WDR7: variants seen among roughly 807,000 people sequenced by gnomAD.
The protein encoded by WDR7 is WD repeat-containing protein 7.
In WDR7, 46 loss-of-function variants were observed where a neutral mutation model predicts 169.4. The observed-to-expected ratio is 0.27, with a 90% CI of 0.21 to 0.35. WDR7 has a LOEUF of 0.35. Among genes scored for constraint, WDR7 ranks in the 10% least tolerant of loss-of-function variants. The probability of loss-of-function intolerance (pLI) is 1.00; values close to 1 mark genes in which losing one functional copy is unlikely to be tolerated. For synonymous variants in WDR7, 612 were observed against 666.8 expected (o/e 0.92, Z 1.27); for missense variants, 1,534 against 1,859.3 (o/e 0.83, Z 3.22).
At chr18:56,986,316 G>GA (rs2047719292) in intron 26 of WDR7, among the ~76,000 whole-genome samples, 1 of 152,084 alleles carries the variant, frequency 6.6e-6, no homozygotes, top group Non-Finnish European at 1.5e-5. Context: ...TTATATCAGT[G>GA]AATTTTGCAA....
rs1040355503 is a variant in WDR7 at position 57,001,992 on chromosome 18, A to T, written c.4165-18753A>T. 2.8e-4 allele frequency among the ~76,000 whole-genome samples: 43 copies of T among 152,310 alleles called. 1 individual carries two copies. The highest frequency in any genetic ancestry group is 9.4e-4 in the African/African-American group (39 of 41,576). ...CATGTTAAATAAAGGAAAAGCAAAAATACCCATGATTAGAGCAGTCATTAC... is the reference window on the plus strand; with the variant it reads ...CATGTTAAATAAAGGAAAAGCAAAATTACCCATGATTAGAGCAGTCATTAC... On this transcript the variant is annotated intron_variant, in intron 26 of 27. Transcript: ENST00000254442.
intron 7 of WDR7, among the ~76,000 whole-genome samples, chr18:56,688,561 CAA>C (rs68137220): frequency 0.86 from 115,847 of 135,214 alleles, 50,982 homozygotes; most frequent in East Asian, 0.99. Context: ...ACTAAAAATA[CAA>C]AAAAAAAAAA....
rs115389504 is a variant in WDR7, at chr18:56,950,247, T to C, written c.4064+10854T>C. Among the ~76,000 whole-genome samples, 620 of 152,334 alleles carry C rather than the reference T, an allele frequency of 4.1e-3. 3 individuals are homozygous for C. Among genetic ancestry groups the C allele is most frequent in the African/African-American group, 0.013 (544 of 41,582 alleles). ...TACTCAAGGGTTGAAATTTAATTGATTAATAACTTTTTCATCATGGATATT... is the reference window on the plus strand; with the variant it reads ...TACTCAAGGGTTGAAATTTAATTGACTAATAACTTTTTCATCATGGATATT... On this transcript the variant is annotated intron_variant, in intron 25 of 27. Transcript: ENST00000254442.
At chr18:56,876,925 G>A (rs1206370650) in intron 20 of WDR7, among the ~76,000 whole-genome samples, 1 of 152,204 alleles carries the variant, frequency 6.6e-6, no homozygotes, top group African/African-American at 2.4e-5. Flanking sequence ...GTTCATGCCT[G>A]TAATTCCTGC....
intron 26 of WDR7, chr18:57,009,798 C>A: frequency 1.0e-6 from 1 of 953,696 alleles, no homozygotes; most frequent in Non-Finnish European, 1.2e-6. Context: ...TATAAATTCC[C>A]TAGCTTTATA....
chr18:56,928,436 G>T (rs2046836641), intron 22 of WDR7, among the ~76,000 whole-genome samples: 1 of 152,196 alleles, frequency 6.6e-6, no homozygotes, highest in Non-Finnish European at 1.5e-5. Context: ...CTACTCTACA[G>T]CCTGGGTGAC....
intron 26 of WDR7, among the ~76,000 whole-genome samples, chr18:57,016,266 A>AT (rs1179283249): frequency 6.6e-6 from 1 of 152,004 alleles, no homozygotes; most frequent in Non-Finnish European, 1.5e-5. Context: ...ACGCTCGTGC[A>AT]TTTTTCCAGT....
intron 12 of WDR7, among the ~76,000 whole-genome samples, chr18:56,698,164 C>G (rs1050564836): frequency 6.6e-5 from 10 of 151,762 alleles, no homozygotes; most frequent in African/African-American, 2.4e-4. Flanking sequence ...CCTTGCACTC[C>G]AACCTGGGCA....
At chr18:56,875,840 G>A (rs1463989402) in intron 20 of WDR7, among the ~76,000 whole-genome samples, 1 of 152,128 alleles carries the variant, frequency 6.6e-6, no homozygotes, top group Non-Finnish European at 1.5e-5. Context: ...TTGAATAACT[G>A]AGTTCAGTAA....
At chr18:56,812,116 A>G (rs571918261) in intron 19 of WDR7, among the ~76,000 whole-genome samples, 2 of 152,000 alleles carry the variant, frequency 1.3e-5, no homozygotes, top group South Asian at 4.1e-4. Flanking sequence ...ATTCTGTTTC[A>G]TTTGTTTAGA....
intron 22 of WDR7, among the ~76,000 whole-genome samples, chr18:56,927,860 A>C (rs1375718357): frequency 6.6e-6 from 1 of 152,218 alleles, no homozygotes; most frequent in Non-Finnish European, 1.5e-5. Flanking sequence ...TTGCAGTCTT[A>C]CAGGAAAGAC....
intron 22 of WDR7, among the ~76,000 whole-genome samples, chr18:56,933,666 T>TGGTC (rs1374407146): frequency 1.3e-5 from 2 of 152,238 alleles, no homozygotes; most frequent in African/African-American, 4.8e-5. Flanking sequence ...AACCACAGTA[T>TGGTC]GGTCACTCCT....
intron 19 of WDR7, among the ~76,000 whole-genome samples, chr18:56,797,549 TA>T (rs34787915): frequency 0.063 from 9,561 of 151,968 alleles, 430 homozygotes; most frequent in Middle Eastern, 0.14. Context: ...AAAACAGGTA[TA>T]AATAGGATAT....
intron 26 of WDR7, among the ~76,000 whole-genome samples, chr18:57,015,865 G>A (rs965759167): frequency 3.3e-5 from 5 of 152,170 alleles, no homozygotes; most frequent in Non-Finnish European, 5.9e-5. Context: ...CACTTCTGAG[G>A]CACTGACTGC....
intron 27 of WDR7, 92 bp from the exon 28 acceptor site, chr18:57,026,912 G>A (rs1337988991): frequency 7.7e-7 from 1 of 1,301,862 alleles, no homozygotes; most frequent in African/African-American, 1.5e-5. Context: ...CATGATGGAG[G>A]GGAAAGTAGC....
chr18:56,713,267 A>C (rs908711968), intron 12 of WDR7, among the ~76,000 whole-genome samples: 1 of 152,180 alleles, frequency 6.6e-6, no homozygotes, highest in Non-Finnish European at 1.5e-5. Context: ...CTAAGGATCT[A>C]TTTTGTGACA....
intron 26 of WDR7, among the ~76,000 whole-genome samples, chr18:56,991,903 A>C (rs1051001610): frequency 4.6e-5 from 7 of 152,234 alleles, no homozygotes; most frequent in Non-Finnish European, 8.8e-5. Context: ...TGTTCAGACT[A>C]TTCATGGCTT....
At chr18:56,927,093 G>GA (rs966985089) in intron 22 of WDR7, among the ~76,000 whole-genome samples, 17 of 150,728 alleles carry the variant, frequency 1.1e-4, no homozygotes, top group Non-Finnish European at 1.8e-4. Context: ...TATTGAAAAA[G>GA]AAAAAAAAAC....
chr18:56,925,508 C>T (rs926077458), intron 22 of WDR7, among the ~76,000 whole-genome samples: 3 of 152,138 alleles, frequency 2.0e-5, no homozygotes, highest in Non-Finnish European at 4.4e-5. Flanking sequence ...CCTCCCTTAA[C>T]GAAAATGTTA....
Sources: gnomAD v4.1 joint callset for allele counts (sites outside exome capture counted in the v4.1 genomes callset) on GRCh38, gnomAD v4.1.1 for gene constraint, MANE v1.5 for transcripts, NCBI Gene and HGNC (gene_info 2026-07-23, HGNC 2026-07-21) for gene names.